The following DOK5 variants were observed in gnomAD, a reference collection of about 807,000 sequenced individuals.
DOK5 encodes downstream of tyrosine kinase 5.
A neutral mutation model predicts 43.3 loss-of-function variants in DOK5; 27 were observed. The observed-to-expected ratio is 0.62, with a 90% CI of 0.46 to 0.86. DOK5 has a LOEUF of 0.86. DOK5 is among the 40% of genes least tolerant of loss of function. The pLI is 0.00. For synonymous variants in DOK5, 146 were observed against 140.1 expected (o/e 1.04, Z -0.30); for missense variants, 373 against 392.9 (o/e 0.95, Z 0.43).
rs114103485 is a variant in DOK5 at position 54,613,853 on chromosome 20, G to T, written c.735+3330G>T. Among the ~76,000 whole-genome samples, 975 of 152,074 alleles carry T rather than the reference G, an allele frequency of 6.4e-3. 15 individuals are homozygous for T. The highest frequency in any genetic ancestry group is 0.023 in the African/African-American group (941 of 41,476). On this transcript the variant is annotated intron_variant, in intron 6 of 7. Transcript: ENST00000262593. ...TACAAAAAATTTAAAAACTAGTTAG[G>T]TACAGTGGCTTGTGCCTGTCCTCCC...
chr20:54,476,633 G>A (rs906006353), intron 1 of DOK5, among the ~76,000 whole-genome samples: 11 of 152,104 alleles, frequency 7.2e-5, no homozygotes, highest in Non-Finnish European at 1.5e-4. Context: ...GATTTCTGTT[G>A]CTGGAATACA....
intron 5 of DOK5, among the ~76,000 whole-genome samples, chr20:54,592,854 T>C (rs1600722810): frequency 6.6e-6 from 1 of 152,320 alleles, no homozygotes; most frequent in East Asian, 1.9e-4. Context: ...TATTTTAGAA[T>C]TTTAAATGCC....
chr20:54,488,715 A>G (rs1982038425), intron 1 of DOK5, among the ~76,000 whole-genome samples: 1 of 137,518 alleles, frequency 7.3e-6, no homozygotes, highest in South Asian at 2.3e-4. Flanking sequence ...TCCCTTCCAT[A>G]TATTATTTGC....
At chr20:54,492,997 G>A (rs1488489973) in intron 1 of DOK5, among the ~76,000 whole-genome samples, 4 of 146,988 alleles carry the variant, frequency 2.7e-5, no homozygotes, top group African/African-American at 1.0e-4. Flanking sequence ...GGAGGTTGCA[G>A]TGAGCTGAGA....
intron 6 of DOK5, among the ~76,000 whole-genome samples, chr20:54,634,075 T>C (rs1340654004): frequency 6.6e-6 from 1 of 152,144 alleles, no homozygotes; most frequent in African/African-American, 2.4e-5. Context: ...CGAAACCAAA[T>C]GAGGAACTGG....
intron 2 of DOK5, among the ~76,000 whole-genome samples, chr20:54,567,027 T>G (rs1985122903): frequency 6.6e-6 from 1 of 152,122 alleles, no homozygotes; most frequent in Admixed American, 6.6e-5. Flanking sequence ...CTATTTTTTT[T>G]TTACTATTGA....
chr20:54,525,250 TTAAC>T (rs1279216159), intron 1 of DOK5, among the ~76,000 whole-genome samples: 1 of 152,200 alleles, frequency 6.6e-6, no homozygotes, highest in African/African-American at 2.4e-5. Flanking sequence ...ACCCACCTGA[TTAAC>T]TAGCGGGTAC....
chr20:54,490,244 A>G (rs1239868757), intron 1 of DOK5, among the ~76,000 whole-genome samples: 1 of 152,230 alleles, frequency 6.6e-6, no homozygotes, highest in Non-Finnish European at 1.5e-5. Flanking sequence ...GATAGGATAA[A>G]TTATATGTTA....
At chr20:54,517,639 T>C (rs981237206) in intron 1 of DOK5, among the ~76,000 whole-genome samples, 1 of 152,182 alleles carries the variant, frequency 6.6e-6, no homozygotes, top group African/African-American at 2.4e-5. Flanking sequence ...TTGGTGGTGA[T>C]GATAGTGTCT....
At chr20:54,556,038 TG>T (rs1226552674) in intron 2 of DOK5, among the ~76,000 whole-genome samples, 1 of 152,162 alleles carries the variant, frequency 6.6e-6, no homozygotes, top group Non-Finnish European at 1.5e-5. Context: ...ATGAAAACAA[TG>T]GGGAAGCTGC....
chr20:54,559,304 T>G (rs914797769), intron 2 of DOK5, among the ~76,000 whole-genome samples: 1 of 152,144 alleles, frequency 6.6e-6, no homozygotes, highest in African/African-American at 2.4e-5. Flanking sequence ...CGGTCCTGGA[T>G]TTAGGTAGCC....
At chr20:54,628,365 C>G (rs1400315677) in intron 6 of DOK5, among the ~76,000 whole-genome samples, 1 of 127,698 alleles carries the variant, frequency 7.8e-6, no homozygotes, top group Non-Finnish European at 1.6e-5. Context: ...GCCGAGATCG[C>G]GCCACTGCAC....
chr20:54,643,606 G>T (rs1157705104), intron 7 of DOK5, 28 bp downstream of exon 7: 3 of 1,604,916 alleles, frequency 1.9e-6, no homozygotes, highest in African/African-American at 2.7e-5. Context: ...TGTGTCCAGG[G>T]TGTGGGCCAG....
chr20:54,485,690 T>C (rs974914633), intron 1 of DOK5, among the ~76,000 whole-genome samples: 3 of 152,220 alleles, frequency 2.0e-5, no homozygotes, highest in Admixed American at 1.3e-4. Context: ...GTGCAATTGC[T>C]GGGTTGTAGA....
At chr20:54,598,030 G>A (rs2146778566) in intron 5 of DOK5, among the ~76,000 whole-genome samples, 1 of 152,222 alleles carries the variant, frequency 6.6e-6, no homozygotes, top group East Asian at 1.9e-4. Flanking sequence ...AGTTTGACTT[G>A]ACTTTTTGGA....
intron 1 of DOK5, among the ~76,000 whole-genome samples, chr20:54,531,962 G>A (rs991239585): frequency 6.6e-6 from 1 of 152,176 alleles, no homozygotes; most frequent in South Asian, 2.1e-4. Flanking sequence ...TGTGTTCTGA[G>A]TGTGGATGAG....
chr20:54,570,118 A>T (rs1042949184), intron 2 of DOK5, among the ~76,000 whole-genome samples: 1 of 152,226 alleles, frequency 6.6e-6, no homozygotes, highest in Non-Finnish European at 1.5e-5. Flanking sequence ...TTTAGAAAAG[A>T]TAATATGAAA....
chr20:54,618,501 G>A (rs1031001498), intron 6 of DOK5, among the ~76,000 whole-genome samples: 4 of 151,924 alleles, frequency 2.6e-5, no homozygotes, highest in East Asian at 1.9e-4. Context: ...CTGCCAGCAC[G>A]CCTGGCTAAT....
intron 5 of DOK5, among the ~76,000 whole-genome samples, chr20:54,607,891 CAAAACAAAACAA>C (rs1056064109): frequency 2.4e-4 from 27 of 114,158 alleles, no homozygotes; most frequent in African/African-American, 1.7e-3. Flanking sequence ...TAAAACAAAA[CAAAACAAAACAA>C]AACAAAACAA....
Sources: gnomAD v4.1 joint callset for allele counts (sites outside exome capture counted in the v4.1 genomes callset) on GRCh38, gnomAD v4.1.1 for gene constraint, MANE v1.5 for transcripts, NCBI Gene and HGNC (gene_info 2026-07-23, HGNC 2026-07-21) for gene names.